Variants in FGFR1 observed in about 807,000 individuals in gnomAD.
FGFR1 encodes the protein FGFR1/PLAG1 fusion.
A neutral mutation model predicts 93.7 loss-of-function variants in FGFR1; 18 were observed. The observed-to-expected ratio is 0.19, with a 90% confidence interval of 0.13 to 0.28. The LOEUF (loss-of-function observed/expected upper bound fraction) is 0.28, where lower values mean the gene tolerates loss of function less well. Ranked by LOEUF, FGFR1 falls within the 10% of genes least tolerant of loss-of-function variation. FGFR1 has a pLI of 1.00. For synonymous variants in FGFR1, 448 were observed against 429.3 expected, an observed-to-expected ratio of 1.04 and a Z score of -0.54; for missense variants, 731 against 1,080.4, an observed-to-expected ratio of 0.68 and a Z score of 4.53.
In FGFR1 at chr8:38,413,880, G is replaced by T; in HGVS notation, c.2292+38C>A. 2 of 1,613,256 alleles carry T rather than the reference G, an allele frequency of 1.2e-6. No homozygotes were observed. The highest frequency in any genetic ancestry group is 4.5e-5 in the East Asian group (2 of 44,844). On this transcript the variant is annotated intron_variant, in intron 17 of 17. Transcript: ENST00000447712. The surrounding 1 kb of genome is among the most constrained non-coding windows in gnomAD (Gnocchi z 4.2). ...CAGGGAGGTGCGTGCACGCAGTGGG[G>T]ACGGCCTGAGCTCTGGCTCTGGCAC... is the stretch of plus-strand genomic sequence containing the variant.
At position 38,413,747 on chromosome 8, in the gene FGFR1, G is replaced by A. The variant is rs377149398; in HGVS notation, c.2350C>T (p.Arg784Trp). 25 of 1,614,028 alleles carry A rather than the reference G, an allele frequency of 1.5e-5. No individual in the cohort carries two copies. The highest frequency in any genetic ancestry group is 1.8e-5 in the Non-Finnish European group (21 of 1,180,016). The change falls in exon 18 of 18, where the codon CGG becomes TGG. Residue 784 changes from arginine (R) to tryptophan (W), a missense_variant. Around this residue, in one of 10 missense-constraint regions of FGFR1, gnomAD observed 79 missense variants for 97.2 expected, o/e 0.81. Coordinates refer to ENST00000447712, the MANE Select transcript of FGFR1 (RefSeq NM_023110.3). The surrounding 1 kb of genome is among the most constrained non-coding windows in gnomAD (Gnocchi z 4.2). ...DQYSPSFPDT[R>W]SSTCSSGEDS... ...TCCCCTGAGGAGCACGTAGAGCTCC[G>A]GGTGTCGGGAAAGCTGGGGGAGTAC...
chr8:38,420,699 C>T (rs1377812350), intron 8 of FGFR1, among the ~76,000 whole-genome samples: 1 of 152,084 alleles, frequency 6.6e-6, no homozygotes, highest in Non-Finnish European at 1.5e-5. Context: ...CCTCCTTCCA[C>T]AGGCCTCCTC....
intron 12 of FGFR1, among the ~76,000 whole-genome samples, chr8:38,416,327 C>G (rs1193982528): frequency 3.3e-5 from 5 of 152,186 alleles, no homozygotes; most frequent in Non-Finnish European, 7.3e-5. Flanking sequence ...CTCTGTTGCC[C>G]AGGCTGGAGT....
chr8:38,418,062 C>T (rs755626833), intron 10 of FGFR1, 71 bp from the exon 11 acceptor site: 2 of 1,611,064 alleles, frequency 1.2e-6, no homozygotes, highest in South Asian at 1.1e-5. Context: ...CACCCCATCT[C>T]CACCTCTCTG....
intron 2 of FGFR1, among the ~76,000 whole-genome samples, chr8:38,444,842 T>C (rs1828799534): frequency 6.6e-6 from 1 of 152,188 alleles, no homozygotes; most frequent in African/African-American, 2.4e-5. Context: ...GTATTCCCCA[T>C]GTCCTACTAG....
At position 38,416,662 on chromosome 8, in the gene FGFR1, C is replaced by G. The variant is rs1816771583; in HGVS notation, c.1664-602G>C. ...GTAGAGATGGGGTTTCACCTGTTGG[C>G]CAGGCTGGTCTCCAACTCCTGACCT... On this transcript the variant is annotated intron_variant, in intron 12 of 17. Transcript: ENST00000447712. Among the ~76,000 whole-genome samples the G allele has an allele frequency of 2.0e-5, 3 of 151,780 alleles. No homozygotes were observed. The South Asian group carries it at 6.3e-4, about 32-fold the overall frequency.
At chr8:38,440,107 G>C (rs1826868954) in intron 2 of FGFR1, among the ~76,000 whole-genome samples, 1 of 152,168 alleles carries the variant, frequency 6.6e-6, no homozygotes, top group South Asian at 2.1e-4. Context: ...GGGGGAAACT[G>C]GTGGTCCAGG....
intron 12 of FGFR1, among the ~76,000 whole-genome samples, chr8:38,416,974 G>C (rs1419523096): frequency 2.6e-5 from 4 of 151,804 alleles, no homozygotes; most frequent in African/African-American, 9.7e-5. Context: ...GACTGGTCTC[G>C]AACTCCTGAT....
chr8:38,444,535 C>T (rs1248973836), intron 2 of FGFR1, among the ~76,000 whole-genome samples: 2 of 151,208 alleles, frequency 1.3e-5, no homozygotes, highest in Non-Finnish European at 2.9e-5. Context: ...AGTATAGGCA[C>T]TTGCCACCAC....
chr8:38,413,450 G>A lies in FGFR1; in HGVS notation c.*178C>T, dbSNP rs1815056053. 8 of 631,304 alleles carry A rather than the reference G, an allele frequency of 1.3e-5. No individual in the cohort carries two copies. The highest frequency in any genetic ancestry group is 9.9e-5 in the South Asian group (5 of 50,282). 39.1% of individuals were successfully genotyped at this position (631,304 alleles called of 1,614,324 possible). ...CCTCTCACCAGCAGGTGGAGAGGAG[G>A]TGGAGGGAGAGGTGAGCTGAGTGGG... On this transcript the variant is annotated 3_prime_UTR_variant, in exon 18 of 18. Coordinates refer to ENST00000447712, the MANE Select transcript of FGFR1 (RefSeq NM_023110.3). The surrounding 1 kb of genome is among the most constrained non-coding windows in gnomAD (Gnocchi z 4.2).
chr8:38,442,792 C>T lies in FGFR1; in HGVS notation c.92-12844G>A, dbSNP rs184660114. On this transcript the variant is annotated intron_variant, in intron 2 of 17. Coordinates refer to ENST00000447712, the MANE Select transcript of FGFR1 (RefSeq NM_023110.3). ...AAACTTGCTGATGAATTAGTAGAGG[C>T]TTCAGCTGTTTCAGGATGTGTCTTC... is the stretch of plus-strand genomic sequence containing the variant. 4.5e-3 allele frequency among the ~76,000 whole-genome samples: 682 copies of T among 152,314 alleles called. 8 individuals carry two copies. The highest frequency in any genetic ancestry group is 0.016 in the African/African-American group (646 of 41,570).
chr8:38,467,147 C>A (rs894649850), intron 1 of FGFR1, among the ~76,000 whole-genome samples: 1 of 152,118 alleles, frequency 6.6e-6, no homozygotes, highest in African/African-American at 2.4e-5. Flanking sequence ...CCTCTAGGAA[C>A]CAGATTGGGA....
At chr8:38,431,788 CCG>C (rs1823251501) in intron 2 of FGFR1, among the ~76,000 whole-genome samples, 1 of 152,170 alleles carries the variant, frequency 6.6e-6, no homozygotes, top group African/African-American at 2.4e-5. Context: ...TTTTGTGAGT[CCG>C]GTCAAGGGGA....
At chr8:38,432,458 G>A (rs945483923) in intron 2 of FGFR1, among the ~76,000 whole-genome samples, 2 of 150,490 alleles carry the variant, frequency 1.3e-5, no homozygotes, top group African/African-American at 4.9e-5. Context: ...TTTCGCCCAG[G>A]CTGGAGTGAA....
At chr8:38,443,603 G>T (rs1457916129) in intron 2 of FGFR1, among the ~76,000 whole-genome samples, 4 of 152,002 alleles carry the variant, frequency 2.6e-5, no homozygotes, top group African/African-American at 4.8e-5. Context: ...AGCCCGGGAG[G>T]TCGAGGCTGC....
intron 2 of FGFR1, among the ~76,000 whole-genome samples, chr8:38,431,657 G>C: frequency 6.6e-6 from 1 of 152,114 alleles, no homozygotes. Flanking sequence ...TCTCTTGGGG[G>C]GGCCAAGGTT....
chr8:38,444,548 G>A (rs902554068), intron 2 of FGFR1, among the ~76,000 whole-genome samples: 3 of 119,054 alleles, frequency 2.5e-5, no homozygotes, highest in Non-Finnish European at 3.7e-5. Flanking sequence ...GCCACCACGC[G>A]TGGCTAAATT....
rs2150808990 is a variant in FGFR1 at position 38,424,446 on chromosome 8, A to T, written c.936+63T>A. 1 of 1,589,708 alleles carries T rather than the reference A, an allele frequency of 6.3e-7. No individual in the cohort carries two copies. Among genetic ancestry groups the T allele is most frequent in the South Asian group, 1.1e-5 (1 of 90,436 alleles). ...AACTGAGCCTGCCCACAGGAACTTGAGCCCCCGAGACAGTGGTCTCCTTCC... is the reference window on the plus strand; with the variant it reads ...AACTGAGCCTGCCCACAGGAACTTGTGCCCCCGAGACAGTGGTCTCCTTCC... On this transcript the variant is annotated intron_variant, in intron 7 of 17. Coordinates refer to ENST00000447712, the MANE Select transcript of FGFR1 (RefSeq NM_023110.3). The surrounding 1 kb of genome is among the most constrained non-coding windows in gnomAD (Gnocchi z 4.3).
At chr8:38,465,167 G>T (rs1477202385) in intron 1 of FGFR1, among the ~76,000 whole-genome samples, 2 of 152,160 alleles carry the variant, frequency 1.3e-5, no homozygotes, top group African/African-American at 4.8e-5. Flanking sequence ...ATTTCTTCCT[G>T]AGCCTTTGCT....
Sources: gnomAD v4.1 joint callset for allele counts (sites outside exome capture counted in the v4.1 genomes callset) on GRCh38, gnomAD v4.1.1 for gene constraint, gnomAD v4.1.1 regional missense constraint, Gnocchi (gnomAD v3.1) non-coding constraint, MANE v1.5 for transcripts, NCBI Gene and HGNC (gene_info 2026-07-23, HGNC 2026-07-21) for gene names.